The following INPP4B variants were observed in gnomAD, a reference collection of about 807,000 sequenced individuals.
INPP4B encodes inositol polyphosphate 4-phosphatase type II.
A neutral mutation model predicts 122.5 loss-of-function variants in INPP4B; 55 were observed. The ratio of observed to expected loss-of-function variants is 0.45; its 90% CI spans 0.36 to 0.56. The LOEUF (loss-of-function observed/expected upper bound fraction) is 0.56, where lower values mean the gene tolerates loss of function less well. INPP4B is among the 20% of genes least tolerant of loss of function. INPP4B has a pLI of 0.00. For missense variants in INPP4B, 1,000 were observed against 1,097.7 expected, an observed-to-expected ratio of 0.91 and a Z score of 1.26; for synonymous variants, 403 against 388.7, an observed-to-expected ratio of 1.04 and a Z score of -0.43.
At chr4:142,526,511 G>A in intron 2 of INPP4B, among the ~76,000 whole-genome samples, 1 of 152,058 alleles carries the variant, frequency 6.6e-6, no homozygotes, top group East Asian at 1.9e-4. Flanking sequence ...TAAAGGATCA[G>A]TTGAGCCGTG....
intron 2 of INPP4B, among the ~76,000 whole-genome samples, chr4:142,662,786 A>C (rs1415549448): frequency 6.6e-6 from 1 of 152,222 alleles, no homozygotes; most frequent in Non-Finnish European, 1.5e-5. Flanking sequence ...TATTCATTGG[A>C]GCAGCTAAAG....
chr4:142,189,748 T>C (rs1834900500), intron 15 of INPP4B, among the ~76,000 whole-genome samples: 1 of 152,164 alleles, frequency 6.6e-6, no homozygotes, highest in East Asian at 1.9e-4. Context: ...ATAGTTTATA[T>C]AGCGTTTTAG....
chr4:142,448,224 A>C (rs943888723), intron 3 of INPP4B, among the ~76,000 whole-genome samples: 1 of 147,334 alleles, frequency 6.8e-6, no homozygotes, highest in South Asian at 2.3e-4. Flanking sequence ...CCAGGCATGG[A>C]GTGCTGGATG....
intron 3 of INPP4B, among the ~76,000 whole-genome samples, chr4:142,433,671 T>C (rs778766009): frequency 6.6e-6 from 1 of 152,152 alleles, no homozygotes; most frequent in Non-Finnish European, 1.5e-5. Flanking sequence ...CATTACATAA[T>C]GAAGGGGCAA....
At chr4:142,557,648 C>A (rs762466058) in intron 2 of INPP4B, among the ~76,000 whole-genome samples, 1 of 152,088 alleles carries the variant, frequency 6.6e-6, no homozygotes, top group East Asian at 1.9e-4. Context: ...TAAACATTAA[C>A]CCCAACATGT....
At chr4:142,033,668 A>AT (rs5862564) in intron 25 of INPP4B, among the ~76,000 whole-genome samples, 95,257 of 129,400 alleles carry the variant, frequency 0.74, 36,679 homozygotes, top group Non-Finnish European at 0.83. Context: ...TCTCCATTTC[A>AT]TTTTTTTTTT....
intron 3 of INPP4B, among the ~76,000 whole-genome samples, chr4:142,438,080 C>T (rs368530044): frequency 5.3e-5 from 8 of 152,238 alleles, no homozygotes; most frequent in Admixed American, 2.6e-4. Context: ...AAACATTCCA[C>T]GCTCATGGAT....
intron 2 of INPP4B, among the ~76,000 whole-genome samples, chr4:142,690,454 CA>C (rs1388461621): frequency 3.3e-5 from 5 of 152,168 alleles, no homozygotes; most frequent in African/African-American, 1.2e-4. Flanking sequence ...CCACCCTCTT[CA>C]GTGGTTTTAT....
chr4:142,274,162 C>A (rs568265704), intron 9 of INPP4B, among the ~76,000 whole-genome samples: 12 of 151,904 alleles, frequency 7.9e-5, no homozygotes, highest in African/African-American at 2.9e-4. Context: ...TTATTCATCA[C>A]CAAAATTCTA....
At chr4:142,495,885 G>A (rs1304546865) in intron 2 of INPP4B, among the ~76,000 whole-genome samples, 2 of 152,100 alleles carry the variant, frequency 1.3e-5, no homozygotes, top group East Asian at 1.9e-4. Context: ...GTGATGCTTT[G>A]CTTAGGTGAA....
chr4:142,804,972 C>T (rs1778499353), intron 1 of INPP4B, among the ~76,000 whole-genome samples: 2 of 151,972 alleles, frequency 1.3e-5, no homozygotes, highest in Non-Finnish European at 1.5e-5. Context: ...CGCCTAAATT[C>T]GAAGAGGGCA....
chr4:142,381,027 CTTTCTAAT>C (rs1466788038), intron 7 of INPP4B, among the ~76,000 whole-genome samples: 3 of 152,120 alleles, frequency 2.0e-5, no homozygotes, highest in Non-Finnish European at 4.4e-5. Context: ...AGCCTTCATT[CTTTCTAAT>C]TTTTCACCAT....
intron 2 of INPP4B, among the ~76,000 whole-genome samples, chr4:142,713,216 T>C (rs972855894): frequency 6.6e-6 from 1 of 152,172 alleles, no homozygotes; most frequent in Non-Finnish European, 1.5e-5. Flanking sequence ...AAATAATCTA[T>C]AGAAGGAAGA....
chr4:142,072,715 C>T (rs1234256994), intron 25 of INPP4B, among the ~76,000 whole-genome samples: 1 of 151,908 alleles, frequency 6.6e-6, no homozygotes, highest in Admixed American at 6.6e-5. Flanking sequence ...TTTACTGATC[C>T]TCACTGTGTA....
chr4:142,449,625 C>T (rs866419686), intron 3 of INPP4B, among the ~76,000 whole-genome samples: 40 of 151,942 alleles, frequency 2.6e-4, no homozygotes, highest in Non-Finnish European at 3.4e-4. Flanking sequence ...TCGCTTGAAC[C>T]TGGGAAGCAG....
rs1175496445 is a variant in INPP4B, at chr4:142,143,822, A to C, written c.1720+2018T>G. Among the ~76,000 whole-genome samples, 4 of 152,174 alleles carry C rather than the reference A, an allele frequency of 2.6e-5. No individual in the cohort carries two copies. In the East Asian group the frequency reaches 7.7e-4, roughly 29 times the overall value. On this transcript the variant is annotated intron_variant, in intron 18 of 25. Transcript: ENST00000262992. Reference sequence around the variant, plus strand: ...AAAATAATGGCTTCTATTTTGATGAATTCGTTTACAGTCATTATAATACGC... The same window carrying C: ...AAAATAATGGCTTCTATTTTGATGACTTCGTTTACAGTCATTATAATACGC...
intron 1 of INPP4B, among the ~76,000 whole-genome samples, chr4:142,820,758 AAATG>A (rs1780703300): frequency 1.3e-5 from 2 of 152,142 alleles, no homozygotes; most frequent in South Asian, 4.1e-4. Context: ...TGCTTTATTC[AAATG>A]AATGATTGCA....
intron 1 of INPP4B, among the ~76,000 whole-genome samples, chr4:142,786,251 G>C (rs1008903769): frequency 3.9e-5 from 6 of 152,076 alleles, no homozygotes; most frequent in African/African-American, 1.4e-4. Flanking sequence ...AAGTAAGTAA[G>C]AAAGTGCTCA....
At chr4:142,356,252 T>C (rs764944049) in intron 7 of INPP4B, among the ~76,000 whole-genome samples, 16 of 147,332 alleles carry the variant, frequency 1.1e-4, no homozygotes, top group Admixed American at 3.4e-4. Flanking sequence ...AAAGGCATTC[T>C]AGATAAAAGG....
Sources: gnomAD v4.1 joint callset for allele counts (sites outside exome capture counted in the v4.1 genomes callset) on GRCh38, gnomAD v4.1.1 for gene constraint, MANE v1.5 for transcripts, NCBI Gene and HGNC (gene_info 2026-07-23, HGNC 2026-07-21) for gene names.